Variants in FCHSD2 observed in about 807,000 individuals in gnomAD.
The protein encoded by FCHSD2 is F-BAR and double SH3 domains protein 2.
FCHSD2 carries 38 observed loss-of-function variants against 108.1 expected under a neutral mutation model. The observed-to-expected ratio is 0.35, with a 90% CI of 0.27 to 0.46. FCHSD2 has a LOEUF of 0.46. FCHSD2 is among the 20% of genes least tolerant of loss of function. The probability of loss-of-function intolerance (pLI) is 1.00; values close to 1 mark genes in which losing one functional copy is unlikely to be tolerated. For missense variants in FCHSD2, 751 were observed against 897.8 expected (o/e 0.84, Z 2.09); for synonymous variants, 279 against 314.7 (o/e 0.89, Z 1.20).
At chr11:73,079,052 T>C (rs1859622661) in intron 3 of FCHSD2, among the ~76,000 whole-genome samples, 1 of 152,136 alleles carries the variant, frequency 6.6e-6, no homozygotes, top group Non-Finnish European at 1.5e-5. Context: ...ATCTGGATAA[T>C]AGTTTACATG....
chr11:72,863,185 C>T (rs1854638841), intron 13 of FCHSD2, among the ~76,000 whole-genome samples: 1 of 151,878 alleles, frequency 6.6e-6, no homozygotes, highest in Non-Finnish European at 1.5e-5. Flanking sequence ...CCCACTCAGC[C>T]CAATGTGTTG....
intron 8 of FCHSD2, among the ~76,000 whole-genome samples, chr11:72,981,116 A>C (rs773927549): frequency 6.6e-6 from 1 of 152,170 alleles, no homozygotes; most frequent in Non-Finnish European, 1.5e-5. Flanking sequence ...CAGACTATAG[A>C]ATTAGCATGA....
intron 8 of FCHSD2, among the ~76,000 whole-genome samples, chr11:72,976,283 C>T (rs1461672734): frequency 6.6e-6 from 1 of 151,990 alleles, no homozygotes; most frequent in Non-Finnish European, 1.5e-5. Flanking sequence ...TCAACATGAA[C>T]TTATTCTTTT....
At position 73,106,980 on chromosome 11, in the gene FCHSD2, T is replaced by C. The variant is rs578017680; in HGVS notation, c.120-23240A>G. 5.9e-5 allele frequency among the ~76,000 whole-genome samples: 9 copies of C among 152,278 alleles called. No individual in the cohort carries two copies. The South Asian group carries it at 1.9e-3, about 32-fold the overall frequency. ...ATTAAAACTCTACCACCAGATATCC[T>C]GGACTCGACTTTTTAAAGCCCACTT... On this transcript the variant is annotated intron_variant, in intron 2 of 19. Transcript: ENST00000409418.
chr11:72,998,376 C>A (rs578054597), intron 5 of FCHSD2, among the ~76,000 whole-genome samples: 1 of 151,960 alleles, frequency 6.6e-6, no homozygotes, highest in Non-Finnish European at 1.5e-5. Context: ...CCTGTCTCTA[C>A]TAAAAATACA....
chr11:72,925,828 C>T (rs1051360764), intron 8 of FCHSD2, among the ~76,000 whole-genome samples: 1 of 152,148 alleles, frequency 6.6e-6, no homozygotes, highest in Admixed American at 6.5e-5. Flanking sequence ...TGAGTTGGGA[C>T]GGGAGCTGCC....
chr11:73,128,536 T>G (rs1860913379), intron 2 of FCHSD2, among the ~76,000 whole-genome samples: 1 of 152,072 alleles, frequency 6.6e-6, no homozygotes, highest in Admixed American at 6.6e-5. Context: ...GGTAAAAAAT[T>G]TCTTCCCTGG....
At chr11:73,103,703 T>C (rs1311246219) in intron 2 of FCHSD2, among the ~76,000 whole-genome samples, 3 of 152,176 alleles carry the variant, frequency 2.0e-5, no homozygotes, top group Non-Finnish European at 2.9e-5. Flanking sequence ...AAATATGTAC[T>C]TTCAAGAAAA....
At chr11:73,008,994 T>C (rs760314722) in intron 4 of FCHSD2, among the ~76,000 whole-genome samples, 2 of 151,988 alleles carry the variant, frequency 1.3e-5, no homozygotes, top group Admixed American at 6.5e-5. Context: ...TGAGGGATTT[T>C]TGAGAAGCAT....
intron 3 of FCHSD2, among the ~76,000 whole-genome samples, chr11:73,038,543 G>C (rs562627602): frequency 2.6e-5 from 4 of 152,204 alleles, no homozygotes; most frequent in South Asian, 2.1e-4. Flanking sequence ...CTTGTCCTTT[G>C]TAGCAACATG....
At chr11:73,046,522 G>A (rs1858770540) in intron 3 of FCHSD2, among the ~76,000 whole-genome samples, 1 of 152,106 alleles carries the variant, frequency 6.6e-6, no homozygotes, top group South Asian at 2.1e-4. Flanking sequence ...AAGATAGGAT[G>A]CACCACATTA....
chr11:72,847,280 G>T (rs904769869), intron 14 of FCHSD2, among the ~76,000 whole-genome samples: 1 of 152,216 alleles, frequency 6.6e-6, no homozygotes, highest in Non-Finnish European at 1.5e-5. Context: ...TTACAGGCAT[G>T]AGCCATTGCA....
intron 8 of FCHSD2, among the ~76,000 whole-genome samples, chr11:72,933,877 G>A (rs1390814475): frequency 6.6e-6 from 1 of 152,092 alleles, no homozygotes; most frequent in Non-Finnish European, 1.5e-5. Context: ...TGGAGGCTTA[G>A]GTGGGCGTAT....
chr11:73,126,848 A>G (rs1305490609), intron 2 of FCHSD2, among the ~76,000 whole-genome samples: 1 of 152,132 alleles, frequency 6.6e-6, no homozygotes, highest in African/African-American at 2.4e-5. Flanking sequence ...GACCAGCCTG[A>G]CCAACATGGC....
intron 9 of FCHSD2, among the ~76,000 whole-genome samples, chr11:72,915,692 C>T (rs1160700460): frequency 1.3e-5 from 2 of 152,078 alleles, no homozygotes; most frequent in Non-Finnish European, 2.9e-5. Context: ...GTGGTGGGCG[C>T]CTATAATCCC....
At chr11:72,878,881 C>T (rs146250321) in intron 12 of FCHSD2, among the ~76,000 whole-genome samples, 10,566 of 151,974 alleles carry the variant, frequency 0.07, 502 homozygotes, top group South Asian at 0.15. Flanking sequence ...CCGAGGCGGG[C>T]AGATCACTTG....
intron 2 of FCHSD2, among the ~76,000 whole-genome samples, chr11:73,101,067 C>T (rs774885609): frequency 4.6e-5 from 7 of 152,134 alleles, no homozygotes; most frequent in Non-Finnish European, 8.8e-5. Context: ...ACTAACCAGT[C>T]CTCTTCCTCT....
At chr11:73,019,302 T>C (rs1214289518) in intron 3 of FCHSD2, among the ~76,000 whole-genome samples, 1 of 152,208 alleles carries the variant, frequency 6.6e-6, no homozygotes, top group East Asian at 1.9e-4. Context: ...TAACTCTATG[T>C]TAGGCTTTGT....
At chr11:72,883,575 G>C (rs1855133441) in intron 12 of FCHSD2, among the ~76,000 whole-genome samples, 1 of 152,172 alleles carries the variant, frequency 6.6e-6, no homozygotes, top group Non-Finnish European at 1.5e-5. Flanking sequence ...CTAGTCTGTA[G>C]CCAAATGCAA....
Sources: allele counts gnomAD v4.1 joint callset (sites outside exome capture counted in the v4.1 genomes callset), GRCh38; gene constraint gnomAD v4.1.1; transcripts MANE v1.5; gene names NCBI Gene and HGNC (gene_info 2026-07-23, HGNC 2026-07-21).